Variants in RYR2 observed in about 807,000 individuals in gnomAD.
The protein encoded by RYR2 is cardiac muscle ryanodine receptor-calcium release channel.
Under a neutral mutation model 601.1 loss-of-function variants are expected in RYR2, and 227 were observed. That is an observed-to-expected ratio of 0.38 (90% CI 0.34 to 0.42). RYR2 has a LOEUF of 0.42. RYR2 is among the 10% of genes least tolerant of loss of function. RYR2 has a pLI of 1.00. For missense variants in RYR2, 4,646 were observed against 6,156.5 expected (o/e 0.75, Z 8.21); for synonymous variants, 2,223 against 2,175.1 (o/e 1.02, Z -0.61).
intron 3 of RYR2, among the ~76,000 whole-genome samples, chr1:237,348,051 A>T (rs1404030841): frequency 6.6e-6 from 1 of 152,162 alleles, no homozygotes; most frequent in East Asian, 1.9e-4. Context: ...TGGCCTGACA[A>T]CGTAGGCAGA....
chr1:237,500,589 A>T lies in RYR2; in HGVS notation c.2204-122A>T, dbSNP rs535143823. The T allele has an allele frequency of 1.3e-4, 99 of 740,012 alleles. 1 individual carries two copies. In the South Asian group the frequency reaches 2.2e-3, roughly 17 times the overall value. 45.8% of individuals were successfully genotyped at this position (740,012 alleles called of 1,614,324 possible). ...TAACATGCGTTTACATTCAAGATTT[A>T]TTCCTTCTGATGTTGTGCATTGGTT... On this transcript the variant is annotated intron_variant, in intron 20 of 104. Transcript: ENST00000366574.
chr1:237,171,374 A>G (rs12072243), intron 1 of RYR2, among the ~76,000 whole-genome samples: 4,261 of 152,242 alleles, frequency 0.028, 215 homozygotes, highest in African/African-American at 0.097. Flanking sequence ...GAGGTAGAGG[A>G]CTTTCTCATT....
At chr1:237,441,594 T>A in intron 13 of RYR2, 111 bp downstream of exon 13, 1 of 1,057,360 alleles carries the variant, frequency 9.5e-7, no homozygotes, top group East Asian at 2.6e-5. Context: ...AGTTCATAAT[T>A]TTGCAAGTGA....
In RYR2 at chr1:237,356,409, A is replaced by C. The variant is rs12026662; in HGVS notation, c.294+424A>C. On this transcript the variant is annotated intron_variant, in intron 4 of 104. Coordinates refer to ENST00000366574, the MANE Select transcript of RYR2 (RefSeq NM_001035.3). ...TGTAGAAGAAGACAATTATATATAT[A>C]GTCATAGAAAGTCATAGAACCTTTT... is the stretch of plus-strand genomic sequence containing the variant. Among the ~76,000 whole-genome samples the C allele has an allele frequency of 2.0e-5, 3 of 149,590 alleles. No individual in the cohort carries two copies. The East Asian group carries it at 6.0e-4, about 30-fold the overall frequency.
At chr1:237,797,939 T>A in intron 96 of RYR2, 98 bp from the exon 97 acceptor site, 2 of 1,120,050 alleles carry the variant, frequency 1.8e-6, no homozygotes, top group Non-Finnish European at 2.5e-6. Context: ...AGGGCAAATA[T>A]ACAGTAAGTA....
Position 237,798,186 on chromosome 1 carries a change from GC to G in RYR2, c.14090+17del. The stretch of plus-strand genomic sequence containing the variant: ...TATCAGCTGTGTAAGTGTTACTTCG[GC>G]TCTATCCTACAGACTTAGATTGAAA... On this transcript the variant is annotated intron_variant, in intron 97 of 104. Transcript: ENST00000366574. 6.2e-7 allele frequency: 1 copy of G among 1,608,078 alleles called. No individual in the cohort carries two copies. Among genetic ancestry groups the G allele is most frequent in the Non-Finnish European group, 8.5e-7 (1 of 1,177,820 alleles).
intron 1 of RYR2, among the ~76,000 whole-genome samples, chr1:237,204,592 C>T (rs1044803399): frequency 3.3e-5 from 5 of 152,082 alleles, no homozygotes; most frequent in African/African-American, 9.7e-5. Flanking sequence ...ATGTCAGTAG[C>T]TCTCATCCAT....
intron 1 of RYR2, among the ~76,000 whole-genome samples, chr1:237,243,366 T>C (rs2149243404): frequency 6.6e-6 from 1 of 151,824 alleles, no homozygotes; most frequent in South Asian, 2.1e-4. Context: ...TGTTTGGATT[T>C]AATTTGCTGG....
chr1:237,580,255 A>G (rs181517837), intron 29 of RYR2, among the ~76,000 whole-genome samples: 9 of 145,100 alleles, frequency 6.2e-5, no homozygotes, highest in African/African-American at 2.3e-4. Flanking sequence ...TCCCAGGTTC[A>G]AGGGATTCTC....
chr1:237,481,827 A>C (rs547920973), intron 17 of RYR2, among the ~76,000 whole-genome samples: 3 of 149,060 alleles, frequency 2.0e-5, no homozygotes, highest in African/African-American at 5.0e-5. Flanking sequence ...AAAAAAAAAA[A>C]AAAAAAAACC....
chr1:237,642,949 A>G (rs889724397), intron 47 of RYR2, among the ~76,000 whole-genome samples: 1 of 152,142 alleles, frequency 6.6e-6, no homozygotes, highest in African/African-American at 2.4e-5. Context: ...TCTAATGATA[A>G]TTTTCTTTGT....
intron 80 of RYR2, among the ~76,000 whole-genome samples, chr1:237,748,634 T>C (rs1463735378): frequency 6.6e-6 from 1 of 152,118 alleles, no homozygotes; most frequent in Non-Finnish European, 1.5e-5. Context: ...AGGGCATAGG[T>C]TGGGCTGGGG....
intron 24 of RYR2, among the ~76,000 whole-genome samples, chr1:237,530,061 C>T (rs2147936081): frequency 6.6e-6 from 1 of 152,166 alleles, no homozygotes; most frequent in East Asian, 1.9e-4. Flanking sequence ...CCTGTAATCC[C>T]AGCACTTTGG....
At chr1:237,317,097 T>A (rs1695189854) in intron 2 of RYR2, among the ~76,000 whole-genome samples, 1 of 152,202 alleles carries the variant, frequency 6.6e-6, no homozygotes, top group Non-Finnish European at 1.5e-5. Flanking sequence ...CGAGGAGTAT[T>A]TATTTATTTC....
In RYR2 at chr1:237,187,436, C is replaced by T. The variant is rs539731976; in HGVS notation, c.49-83061C>T. On this transcript the variant is annotated intron_variant, in intron 1 of 104. Transcript: ENST00000366574. Reference sequence around the variant, plus strand: ...AATTACAGGCGTGAGCCAACACGCCCGGCCGACTTTTTTTTTTTTTTTTTT... The same window carrying T: ...AATTACAGGCGTGAGCCAACACGCCTGGCCGACTTTTTTTTTTTTTTTTTT... Among the ~76,000 whole-genome samples, 369 of 109,412 alleles carry T rather than the reference C, an allele frequency of 3.4e-3. 1 individual carries two copies. Among genetic ancestry groups the T allele is most frequent in the Non-Finnish European group, 4.6e-3 (249 of 54,188 alleles). The allele number at this position is 109,412 out of a possible 152,430, so 71.8% of individuals were successfully genotyped here.
chr1:237,460,934 C>T (rs1039507428), intron 16 of RYR2, among the ~76,000 whole-genome samples: 27 of 152,144 alleles, frequency 1.8e-4, no homozygotes, highest in Admixed American at 1.5e-3. Flanking sequence ...CATCCTTTCC[C>T]TTGTTAACAT....
chr1:237,094,187 C>T (rs1415236691), intron 1 of RYR2, among the ~76,000 whole-genome samples: 1 of 152,190 alleles, frequency 6.6e-6, no homozygotes, highest in Non-Finnish European at 1.5e-5. Context: ...ACAGGAAAAT[C>T]TATGTTCAGC....
intron 1 of RYR2, among the ~76,000 whole-genome samples, chr1:237,238,441 C>G (rs1057196830): frequency 6.6e-6 from 1 of 152,210 alleles, no homozygotes; most frequent in African/African-American, 2.4e-5. Context: ...TAAAATCAAG[C>G]TGTAACCTGA....
In RYR2 at chr1:237,687,363, C is replaced by CT. The variant is rs200738727; in HGVS notation, c.9018-90dup. 973 of 452,602 alleles carry CT rather than the reference C, an allele frequency of 2.1e-3. 29 individuals are homozygous for CT. Among genetic ancestry groups the CT allele is most frequent in the South Asian group, 5.4e-3 (185 of 34,106 alleles). 28.0% of individuals were successfully genotyped at this position (452,602 alleles called of 1,614,324 possible). ...CAGCTGTTTTTTTTTCTTTTTTCTT[C>CT]TTCTTTTTTTTTTTTTTTTTTAATT... On this transcript the variant is annotated intron_variant, in intron 62 of 104. Transcript: ENST00000366574.
Sources: allele counts gnomAD v4.1 joint callset (sites outside exome capture counted in the v4.1 genomes callset), GRCh38; gene constraint gnomAD v4.1.1; transcripts MANE v1.5; gene names NCBI Gene and HGNC (gene_info 2026-07-23, HGNC 2026-07-21).